CAMK2G: variants seen among roughly 807,000 people sequenced by gnomAD.
CAMK2G encodes calcium/calmodulin dependent protein kinase II gamma.
A neutral mutation model predicts 88.7 loss-of-function variants in CAMK2G; 23 were observed. The ratio of observed to expected loss-of-function variants is 0.26; its 90% confidence interval spans 0.19 to 0.37. CAMK2G has a LOEUF of 0.37. Among genes scored for constraint, CAMK2G ranks in the 10% least tolerant of loss-of-function variants. The pLI, the probability that CAMK2G is intolerant of heterozygous loss-of-function variation, is 1.00. For missense variants in CAMK2G, 476 were observed against 780.8 expected (o/e 0.61, Z 4.65); for synonymous variants, 263 against 294.8 (o/e 0.89, Z 1.11).
At chr10:73,825,795 T>C (rs192843577) in intron 15 of CAMK2G, among the ~76,000 whole-genome samples, 171 of 152,308 alleles carry the variant, frequency 1.1e-3, no homozygotes, top group African/African-American at 3.6e-3. Context: ...TATTTCCTTC[T>C]TACAACACCA....
intron 10 of CAMK2G, among the ~76,000 whole-genome samples, chr10:73,844,748 C>G (rs912959294): frequency 2.0e-5 from 3 of 152,074 alleles, no homozygotes; most frequent in Non-Finnish European, 4.4e-5. Flanking sequence ...CATTTATTTC[C>G]CACCTCAATG....
In CAMK2G at chr10:73,842,134, C is replaced by T. The variant is rs1453312798; in HGVS notation, c.946+35G>A. ...CAGCCCATTCCTGATCCACTCACCTCGGCATAATCAAAGTACACAGCTGGG... is the reference window on the plus strand; with the variant it reads ...CAGCCCATTCCTGATCCACTCACCTTGGCATAATCAAAGTACACAGCTGGG... On this transcript the variant is annotated intron_variant, in intron 12 of 22. Transcript: ENST00000423381. This position sits in a 1 kb window ranked among gnomAD's most constrained non-coding sequence, Gnocchi z 4.6. The T allele has an allele frequency of 5.7e-6, 9 of 1,580,024 alleles. No homozygotes were observed. The highest frequency in any genetic ancestry group is 2.2e-5 in the South Asian group (2 of 90,452).
chr10:73,816,965 CAG>C, intron 21 of CAMK2G, 56 bp downstream of exon 21: 1 of 1,613,784 alleles, frequency 6.2e-7, no homozygotes, highest in African/African-American at 1.3e-5. Context: ...GAGCAGGAGA[CAG>C]AGACAAAGGG....
intron 14 of CAMK2G, among the ~76,000 whole-genome samples, chr10:73,835,164 C>A (rs561936472): frequency 1.3e-5 from 2 of 152,328 alleles, no homozygotes; most frequent in East Asian, 3.9e-4. Context: ...CCCCCAGCAC[C>A]TGCCAGGTGC....
intron 10 of CAMK2G, 92 bp downstream of exon 10, chr10:73,847,133 G>A (rs1251000695): frequency 1.5e-6 from 2 of 1,335,696 alleles, no homozygotes; most frequent in East Asian, 4.6e-5. Context: ...GGCCCAGAAT[G>A]AATCTCTGCT....
chr10:73,821,627 C>A lies in CAMK2G; in HGVS notation c.1249+55G>T. The A allele has an allele frequency of 3.6e-6, 5 of 1,389,602 alleles. No homozygotes were observed. In the Admixed American group the frequency reaches 5.3e-5, roughly 15 times the overall value. The allele number at this position is 1,389,602 out of a possible 1,614,324, so 86.1% of individuals were successfully genotyped here. The stretch of plus-strand genomic sequence containing the variant: ...AGAAAAGGCAGGTGCCCCATTGGAG[C>A]CCAGGTACCTGGGTCACTGCTGGAG... On this transcript the variant is annotated intron_variant, in intron 18 of 22. Coordinates refer to ENST00000423381, the MANE Select transcript of CAMK2G (RefSeq NM_001367534.1).
chr10:73,824,107 C>A (rs936417119), intron 16 of CAMK2G, 23 bp from the exon 17 acceptor site: 8 of 1,601,196 alleles, frequency 5.0e-6, no homozygotes, highest in Admixed American at 1.7e-5. Context: ...ATGAAGATTA[C>A]CCTTCCGACT....
intron 14 of CAMK2G, among the ~76,000 whole-genome samples, chr10:73,831,100 C>T (rs1341734141): frequency 6.6e-6 from 1 of 152,202 alleles, no homozygotes; most frequent in African/African-American, 2.4e-5. Flanking sequence ...TTTCGTTTCT[C>T]ACCCCTTTGA....
Position 73,817,074 on chromosome 10 carries a change from G to A in CAMK2G, c.1483C>T (p.Leu495Phe). The A allele has an allele frequency of 3.1e-6, 5 of 1,613,954 alleles. No individual in the cohort carries two copies. Among genetic ancestry groups the A allele is most frequent in the Non-Finnish European group, 4.2e-6 (5 of 1,179,908 alleles). The change falls in exon 21 of 23, where the codon CTT becomes TTT. Residue 495 changes from leucine to phenylalanine, a missense_variant. By Grantham distance (22) the Leu-to-Phe change is conservative. This residue lies in a region of CAMK2G where 278 missense variants were observed against 366.5 expected (regional missense o/e 0.76). Coordinates refer to ENST00000423381, the MANE Select transcript of CAMK2G (RefSeq NM_001367534.1). ...PGLTSFEPEA[L>F]GNLVEGMDFH... is the part of the protein sequence containing the mutation. ...TCCATCCCCTCCACGAGGTTACCAA[G>A]GGCCTCAGGCTCAAAGGAAGTGAGG...
Position 73,874,433 on chromosome 10 carries a change from A to G in CAMK2G, c.29T>C (p.Phe10Ser). 1.3e-6 allele frequency: 2 copies of G among 1,520,678 alleles called. No individual in the cohort carries two copies. The highest frequency in any genetic ancestry group is 2.4e-5 in the South Asian group (2 of 82,942). 94.2% of individuals were successfully genotyped at this position (1,520,678 alleles called of 1,614,324 possible). A position where few individuals can be genotyped will look rare whatever the true frequency, so the allele number is the denominator to read the frequency against. Residue 10 changes from phenylalanine to serine, a missense_variant, in exon 1 of 23, where the codon TTC becomes TCC. Phe to Ser is a radical substitution (Grantham distance 155). Around this residue, in one of 3 missense-constraint regions of CAMK2G, gnomAD observed 34 missense variants for 28.7 expected, o/e 1.19. Transcript: ENST00000423381. MATTATCTR[F>S]TDDYQLFEEL... ...CTCGAAGAGCTGGTAGTCGTCGGTG[A>G]AACGGGTGCAGGTGGCGGTGGTGGC...
Position 73,815,234 on chromosome 10 carries a change from G to A in CAMK2G, c.1548C>T (p.Asn516=). Residue 516 remains asparagine (N), a synonymous_variant, in exon 22 of 23, where the codon AAC becomes AAT. Transcript: ENST00000423381. ...GGATGGTGGTATGGATAGGCTTGCT[G>A]TTCTTGGACAGGACTGCAGGGCAGG... ...KFYFENLLSK[N]SKPIHTTILN... 6.2e-7 allele frequency: 1 copy of A among 1,613,664 alleles called. No individual in the cohort carries two copies. Among genetic ancestry groups the A allele is most frequent in the Non-Finnish European group, 8.5e-7 (1 of 1,179,540 alleles).
At chr10:73,836,500 G>T (rs1410373689) in intron 14 of CAMK2G, among the ~76,000 whole-genome samples, 1 of 152,232 alleles carries the variant, frequency 6.6e-6, no homozygotes, top group African/African-American at 2.4e-5. Context: ...CCAGCTCCAT[G>T]TCAGAGGGTG....
At chr10:73,823,948 G>T in intron 17 of CAMK2G, 92 bp downstream of exon 17, 1 of 947,034 alleles carries the variant, frequency 1.1e-6, no homozygotes, top group South Asian at 1.3e-5. Flanking sequence ...CAAACACCTT[G>T]GCCTCAGGGT....
chr10:73,815,182 C>T lies in CAMK2G; in HGVS notation c.1600G>A (p.Glu534Lys). 1.2e-6 allele frequency: 2 copies of T among 1,614,238 alleles called. No homozygotes were observed. The highest frequency in any genetic ancestry group is 1.7e-6 in the Non-Finnish European group (2 of 1,180,032). The stretch of plus-strand genomic sequence containing the variant: ...ATGTAGGCGATGCACGCTGCGTCCT[C>T]CCCAATCACGTGGACGTGTGGGTTT... ...ILNPHVHVIGEDAACIAYIRL... is the reference protein window; with the variant it reads ...ILNPHVHVIGKDAACIAYIRL... The change falls in exon 22 of 23, where the codon GAG (glutamate) becomes AAG (lysine). Residue 534 changes from glutamate (E) to lysine (K), a missense_variant. Glu to Lys is a moderately conservative substitution (Grantham distance 56, BLOSUM62 1). Coordinates refer to ENST00000423381, the MANE Select transcript of CAMK2G (RefSeq NM_001367534.1).
intron 2 of CAMK2G, among the ~76,000 whole-genome samples, chr10:73,869,095 T>C (rs1217377947): frequency 2.0e-5 from 3 of 152,226 alleles, no homozygotes; most frequent in African/African-American, 7.2e-5. Context: ...GCAACTGTTG[T>C]TGCAGATTTT....
chr10:73,855,234 G>A (rs2094942419), intron 3 of CAMK2G, among the ~76,000 whole-genome samples: 1 of 152,148 alleles, frequency 6.6e-6, no homozygotes, highest in African/African-American at 2.4e-5. Flanking sequence ...GGTGCCTCAC[G>A]CTGAGTCTTG....
intron 17 of CAMK2G, among the ~76,000 whole-genome samples, chr10:73,823,121 C>G (rs977637721): frequency 2.0e-5 from 3 of 152,244 alleles, no homozygotes; most frequent in African/African-American, 7.2e-5. Context: ...CTTGGCCTCC[C>G]AAAGTGCTAG....
At chr10:73,820,494 T>TATATATATATA (rs34055746) in intron 18 of CAMK2G, among the ~76,000 whole-genome samples, 6 of 41,508 alleles carry the variant, frequency 1.4e-4, no homozygotes, top group African/African-American at 2.6e-4. Context: ...ATATATATAT[T>TATATATATATA]TTTTTTTTTT....
chr10:73,873,725 G>C (rs1256383984), intron 1 of CAMK2G, among the ~76,000 whole-genome samples: 4 of 139,486 alleles, frequency 2.9e-5, no homozygotes, highest in East Asian at 2.3e-4. Flanking sequence ...GGAAACGTCT[G>C]GGGGGGCGGG....
Sources: allele counts gnomAD v4.1 joint callset (sites outside exome capture counted in the v4.1 genomes callset), GRCh38; gene constraint gnomAD v4.1.1; regional missense constraint gnomAD v4.1.1; non-coding constraint Gnocchi (gnomAD v3.1); transcripts MANE v1.5; gene names NCBI Gene and HGNC (gene_info 2026-07-23, HGNC 2026-07-21).